The following GAS7 variants were observed in gnomAD, a reference collection of about 807,000 sequenced individuals.
GAS7 encodes growth arrest specific 7.
In GAS7, 28 loss-of-function variants were observed where a neutral mutation model predicts 71.1. That is an observed-to-expected ratio of 0.39 (90% CI 0.29 to 0.54). The LOEUF (loss-of-function observed/expected upper bound fraction) is 0.54. GAS7 is among the 20% of genes least tolerant of loss of function. The pLI is 0.62. For synonymous variants in GAS7, 258 were observed against 245.8 expected (o/e 1.05, Z -0.46); for missense variants, 436 against 627.8 (o/e 0.69, Z 3.27).
intron 3 of GAS7, among the ~76,000 whole-genome samples, chr17:9,976,499 G>A (rs777053715): frequency 1.1e-4 from 17 of 152,330 alleles, no homozygotes; most frequent in Admixed American, 2.6e-4. Flanking sequence ...GTGTGGGCGA[G>A]GGTGAGGCTC....
intron 1 of GAS7, among the ~76,000 whole-genome samples, chr17:10,107,511 G>A (rs1174841274): frequency 6.6e-6 from 1 of 152,040 alleles, no homozygotes; most frequent in African/African-American, 2.4e-5. Flanking sequence ...GGCGGGCTGG[G>A]CAGGAGAACT....
At chr17:10,037,268 T>C (rs115107603) in intron 1 of GAS7, among the ~76,000 whole-genome samples, 1,621 of 152,304 alleles carry the variant, frequency 0.011, 25 homozygotes, top group African/African-American at 0.038. Flanking sequence ...CCAAGAGCAA[T>C]ACTGCAGCCA....
At chr17:10,002,154 T>C (rs60587624) in intron 2 of GAS7, among the ~76,000 whole-genome samples, 35,926 of 152,104 alleles carry the variant, frequency 0.24, 6,494 homozygotes, top group African/African-American at 0.51. Flanking sequence ...AACAGAAACG[T>C]ATTGTTACAG....
chr17:10,018,603 C>T (rs1361589118), intron 2 of GAS7, among the ~76,000 whole-genome samples: 1 of 152,200 alleles, frequency 6.6e-6, no homozygotes, highest in Non-Finnish European at 1.5e-5. Context: ...CTAGAAACTT[C>T]ATTACCTCTT....
At chr17:10,100,039 G>C (rs79731308) in intron 1 of GAS7, among the ~76,000 whole-genome samples, 3,330 of 152,286 alleles carry the variant, frequency 0.022, 127 homozygotes, top group African/African-American at 0.076. Flanking sequence ...AGAGGAGGTT[G>C]AGATCCATCT....
At chr17:10,039,460 T>C (rs745682534) in intron 1 of GAS7, among the ~76,000 whole-genome samples, 2 of 151,944 alleles carry the variant, frequency 1.3e-5, no homozygotes, top group Non-Finnish European at 2.9e-5. Flanking sequence ...GGTAGGTGGA[T>C]CATTTGAGGT....
At chr17:10,002,709 C>T (rs185531819) in intron 2 of GAS7, among the ~76,000 whole-genome samples, 82 of 152,290 alleles carry the variant, frequency 5.4e-4, no homozygotes, top group African/African-American at 1.8e-3. Flanking sequence ...TGGTTTCCAG[C>T]TTCATCCATG....
intron 1 of GAS7, among the ~76,000 whole-genome samples, chr17:10,119,106 T>TGAC (rs2073885470): frequency 6.6e-6 from 1 of 152,016 alleles, no homozygotes; most frequent in Non-Finnish European, 1.5e-5. Flanking sequence ...TTTCCTGGAG[T>TGAC]GACGGCTCCA....
At chr17:9,918,418 A>T (rs1329341563) in intron 12 of GAS7, among the ~76,000 whole-genome samples, 1 of 152,170 alleles carries the variant, frequency 6.6e-6, no homozygotes, top group African/African-American at 2.4e-5. Flanking sequence ...GGAACTGGGG[A>T]ACTAACACCT....
intron 1 of GAS7, among the ~76,000 whole-genome samples, chr17:10,145,557 C>A (rs2142101577): frequency 6.6e-6 from 1 of 152,284 alleles, no homozygotes; most frequent in Admixed American, 6.5e-5. Flanking sequence ...GCACTCAGGC[C>A]CCCCAGGACC....
chr17:10,124,889 G>A (rs2073932939), intron 1 of GAS7, among the ~76,000 whole-genome samples: 1 of 152,094 alleles, frequency 6.6e-6, no homozygotes, highest in Non-Finnish European at 1.5e-5. Flanking sequence ...CTGCACTTCA[G>A]CCTGGGTGAC....
chr17:9,921,140 G>A (rs911610010), intron 11 of GAS7, among the ~76,000 whole-genome samples: 3 of 151,344 alleles, frequency 2.0e-5, no homozygotes, highest in Admixed American at 2.0e-4. Context: ...ATGCTGCACC[G>A]TAAAATGCAT....
At chr17:10,003,661 G>A (rs568906165) in intron 2 of GAS7, among the ~76,000 whole-genome samples, 19 of 152,342 alleles carry the variant, frequency 1.2e-4, no homozygotes, top group South Asian at 2.1e-4. Context: ...GAGGGCAGAA[G>A]CTTCATGCCA....
intron 1 of GAS7, among the ~76,000 whole-genome samples, chr17:10,148,501 C>T (rs2074138474): frequency 6.6e-6 from 1 of 151,152 alleles, no homozygotes; most frequent in Non-Finnish European, 1.5e-5. Flanking sequence ...GCCTGTAGTC[C>T]CAGCTACTCT....
intron 1 of GAS7, among the ~76,000 whole-genome samples, chr17:10,119,986 C>T (rs2073891844): frequency 6.6e-6 from 1 of 152,160 alleles, no homozygotes; most frequent in Non-Finnish European, 1.5e-5. Context: ...AGCCTCTGAC[C>T]ACAAGCTGGC....
intron 1 of GAS7, among the ~76,000 whole-genome samples, chr17:10,151,994 T>C (rs531659448): frequency 6.6e-6 from 1 of 152,272 alleles, no homozygotes; most frequent in South Asian, 2.1e-4. Context: ...AGAAATCCAA[T>C]CCACAAGTTT....
intron 1 of GAS7, among the ~76,000 whole-genome samples, chr17:10,127,901 C>T (rs1020894012): frequency 5.9e-5 from 9 of 152,348 alleles, no homozygotes; most frequent in Admixed American, 3.9e-4. Context: ...GACCACCACT[C>T]GGGCCACATA....
rs143531663 is a variant in GAS7 at position 9,977,494 on chromosome 17, G to A, written c.385+4310C>T. 3.4e-4 allele frequency among the ~76,000 whole-genome samples: 52 copies of A among 152,260 alleles called. No individual in the cohort carries two copies. The East Asian group carries it at 9.6e-3, about 28-fold the overall frequency. The stretch of plus-strand genomic sequence containing the variant: ...TGCACGTTAAGCCCAGCCCAAAGAG[G>A]ACTTTCAATATTTGCAGCAGTTACT... On this transcript the variant is annotated intron_variant, in intron 3 of 13. Coordinates refer to ENST00000432992, the MANE Select transcript of GAS7 (RefSeq NM_201433.2).
rs1042049953 is a variant in GAS7, at chr17:9,912,845, G to A, written c.*4383C>T. On this transcript the variant is annotated 3_prime_UTR_variant, in exon 14 of 14. Coordinates refer to ENST00000432992, the MANE Select transcript of GAS7 (RefSeq NM_201433.2). ...CTCAGTGTAAAAATAAAGAAGCAGA[G>A]TAGTACGCCCATGCAATGAAATACT... 2 of 232,638 alleles carry A rather than the reference G, an allele frequency of 8.6e-6. No individual in the cohort carries two copies. The highest frequency in any genetic ancestry group is 4.4e-5 in the African/African-American group (2 of 45,314). The allele number at this position is 232,638 out of a possible 1,614,324, so 14.4% of individuals were successfully genotyped here.
Sources: gnomAD v4.1 joint callset for allele counts (sites outside exome capture counted in the v4.1 genomes callset) on GRCh38, gnomAD v4.1.1 for gene constraint, MANE v1.5 for transcripts, NCBI Gene and HGNC (gene_info 2026-07-23, HGNC 2026-07-21) for gene names.